DGKH: variants seen among roughly 807,000 people sequenced by gnomAD.
DGKH encodes the protein DAG kinase eta.
Under a neutral mutation model 159.3 loss-of-function variants are expected in DGKH, and 90 were observed. That is an observed-to-expected ratio of 0.57 (90% confidence interval 0.48 to 0.67). The LOEUF (loss-of-function observed/expected upper bound fraction) is 0.67, where lower values mean the gene tolerates loss of function less well. DGKH is among the 30% of genes least tolerant of loss of function. The pLI, the probability that DGKH is intolerant of heterozygous loss-of-function variation, is 0.00. For synonymous variants in DGKH, 536 were observed against 553.8 expected (o/e 0.97, Z 0.45); for missense variants, 1,181 against 1,506.1 (o/e 0.78, Z 3.57).
chr13:42,118,667 A>G (rs1955008474), intron 1 of DGKH, among the ~76,000 whole-genome samples: 2 of 152,200 alleles, frequency 1.3e-5, no homozygotes, highest in Non-Finnish European at 1.5e-5. Flanking sequence ...GTTGAGATGA[A>G]TAGATTTCAA....
At chr13:42,093,007 G>A (rs1044488284) in intron 1 of DGKH, among the ~76,000 whole-genome samples, 1 of 152,088 alleles carries the variant, frequency 6.6e-6, no homozygotes, top group African/African-American at 2.4e-5. Flanking sequence ...CTTTTGGGAG[G>A]CCGAGGTGGG....
intron 21 of DGKH, among the ~76,000 whole-genome samples, chr13:42,207,719 G>A (rs9590677): frequency 0.55 from 73,440 of 134,036 alleles, 19,653 homozygotes; most frequent in Non-Finnish European, 0.61. Flanking sequence ...ATATATATCA[G>A]TAAAAATGAG....
intron 21 of DGKH, among the ~76,000 whole-genome samples, chr13:42,208,066 C>T (rs1332588998): frequency 6.6e-6 from 1 of 152,098 alleles, no homozygotes; most frequent in Non-Finnish European, 1.5e-5. Flanking sequence ...TATTTAATGT[C>T]CACGTTGTTT....
rs868797768 is a variant in DGKH, at chr13:42,238,528, C to T, written c.*9340C>T. The T allele has an allele frequency of 6.6e-6, 1 of 152,004 alleles. No homozygotes were observed. The highest frequency in any genetic ancestry group is 2.4e-5 in the African/African-American group (1 of 41,396). 9.4% of individuals were successfully genotyped at this position (152,004 alleles called of 1,614,324 possible). On this transcript the variant is annotated 3_prime_UTR_variant, in exon 30 of 30. Transcript: ENST00000337343. ...TCATATCTTTTCTTAGTTTAACTCC[C>T]CAAAGAGGAAAATGTCTCTTTAAAC...
intron 1 of DGKH, among the ~76,000 whole-genome samples, chr13:42,100,459 C>T (rs368590537): frequency 6.6e-5 from 10 of 152,098 alleles, no homozygotes; most frequent in Admixed American, 2.0e-4. Context: ...CCTCCACCCC[C>T]GATCCATGGA....
chr13:42,063,455 T>C (rs1275207844), intron 1 of DGKH, among the ~76,000 whole-genome samples: 1 of 152,228 alleles, frequency 6.6e-6, no homozygotes, highest in African/African-American at 2.4e-5. Context: ...TAGCACTTAA[T>C]AGATGCTAGT....
intron 29 of DGKH, among the ~76,000 whole-genome samples, chr13:42,224,711 G>C (rs1958074660): frequency 6.6e-6 from 1 of 151,936 alleles, no homozygotes; most frequent in South Asian, 2.1e-4. Flanking sequence ...ATTCATCCTG[G>C]CCTTATTTCA....
chr13:42,214,017 A>G (rs959251623), intron 24 of DGKH, among the ~76,000 whole-genome samples: 23 of 152,316 alleles, frequency 1.5e-4, no homozygotes, highest in Admixed American at 3.9e-4. Context: ...CATCATCAAT[A>G]ATATGGAGAT....
At chr13:42,150,355 G>T (rs912629588) in intron 3 of DGKH, among the ~76,000 whole-genome samples, 3 of 152,124 alleles carry the variant, frequency 2.0e-5, no homozygotes, top group African/African-American at 7.2e-5. Flanking sequence ...GGCACTATTT[G>T]TCTAGTATAA....
intron 3 of DGKH, among the ~76,000 whole-genome samples, chr13:42,151,079 C>T (rs1044899982): frequency 1.3e-5 from 2 of 151,836 alleles, no homozygotes; most frequent in Admixed American, 6.6e-5. Flanking sequence ...CCTCTAGAGT[C>T]GAGAGTCTCT....
At chr13:42,221,177 C>G in intron 28 of DGKH, 87 bp from the exon 29 acceptor site, 1 of 1,538,326 alleles carries the variant, frequency 6.5e-7, no homozygotes, top group Non-Finnish European at 8.8e-7. Flanking sequence ...CCGCTGCACT[C>G]TGTTTTGCAT....
chr13:42,108,835 T>C (rs114749834), intron 1 of DGKH, among the ~76,000 whole-genome samples: 1,532 of 148,412 alleles, frequency 0.01, 27 homozygotes, highest in African/African-American at 0.035. Flanking sequence ...GAAGCTATAA[T>C]GCATGCAGTA....
chr13:42,166,478 C>CTG, intron 8 of DGKH, 37 bp from the exon 9 acceptor site: 1 of 1,419,790 alleles, frequency 7.0e-7, no homozygotes, highest in Non-Finnish European at 9.3e-7. Flanking sequence ...AAAGAGAAAG[C>CTG]TGTATGTATT....
chr13:42,243,085 G>C (rs1162459340), downstream of DGKH, among the ~76,000 whole-genome samples: 1 of 152,106 alleles, frequency 6.6e-6, no homozygotes, highest in Non-Finnish European at 1.5e-5. Flanking sequence ...AGGACATTGA[G>C]ATGCATAAGG....
Position 42,195,038 on chromosome 13 carries a change from C to T in DGKH, c.2167+22C>T, listed in dbSNP as rs138520175. On this transcript the variant is annotated intron_variant, in intron 17 of 29. Transcript: ENST00000337343. The stretch of plus-strand genomic sequence containing the variant: ...CCAGGTAGTACAGATTCTGAAACAT[C>T]GTGTATTTTTCAGTATTTCTGTGAA... 542 of 1,604,402 alleles carry T rather than the reference C, an allele frequency of 3.4e-4. 1 individual carries two copies. The Middle Eastern group carries it at 3.7e-3, about 11-fold the overall frequency.
intron 1 of DGKH, among the ~76,000 whole-genome samples, chr13:42,123,002 C>T (rs533819137): frequency 9.2e-5 from 14 of 152,130 alleles, no homozygotes; most frequent in East Asian, 1.9e-4. Flanking sequence ...TAATTTTTAG[C>T]GTTATAAAAA....
At chr13:42,074,065 G>C (rs2137700854) in intron 1 of DGKH, among the ~76,000 whole-genome samples, 1 of 152,272 alleles carries the variant, frequency 6.6e-6, no homozygotes, top group African/African-American at 2.4e-5. Flanking sequence ...TTACTGAGTT[G>C]TTTATACTCT....
chr13:42,070,903 C>T (rs989805258), intron 1 of DGKH: 5 of 1,282,424 alleles, frequency 3.9e-6, no homozygotes, highest in Non-Finnish European at 5.7e-6. Context: ...CTTGATTTCA[C>T]ATAGAGCATG....
rs71096557 is a variant in DGKH at position 42,135,507 on chromosome 13, A to AAAAAAAAAAAAAAAAAAAAAAAG, written c.384+5876_384+5877insAAAAAAAAAAAAAAAAAAAAAGA. Among the ~76,000 whole-genome samples the AAAAAAAAAAAAAAAAAAAAAAAG allele has an allele frequency of 8.4e-4, 95 of 113,368 alleles. 4 individuals carry two copies. The highest frequency in any genetic ancestry group is 1.1e-3 in the African/African-American group (40 of 35,192). 74.4% of individuals were successfully genotyped at this position (113,368 alleles called of 152,430 possible). ...CCTGTCTCAGAAAAAAAAAAAAAAA[A>AAAAAAAAAAAAAAAAAAAAAAAG]AGAGAGAGAGAGAAAAAGAAAAAAA... On this transcript the variant is annotated intron_variant, in intron 3 of 29. Coordinates refer to ENST00000337343, the MANE Select transcript of DGKH (RefSeq NM_178009.5).
Sources: gnomAD v4.1 joint callset for allele counts (sites outside exome capture counted in the v4.1 genomes callset) on GRCh38, gnomAD v4.1.1 for gene constraint, MANE v1.5 for transcripts, NCBI Gene and HGNC (gene_info 2026-07-23, HGNC 2026-07-21) for gene names.